NOD1: variants seen among roughly 807,000 people sequenced by gnomAD.
NOD1 encodes nucleotide binding oligomerization domain containing 1.
NOD1 carries 70 observed loss-of-function variants against 81.2 expected under a neutral mutation model. The ratio of observed to expected loss-of-function variants is 0.86; its 90% CI spans 0.71 to 1.05. The LOEUF is 1.05. Ranked by LOEUF, NOD1 falls within the 50% of genes least tolerant of loss-of-function variation. NOD1 has a pLI of 0.00. For missense variants in NOD1, 1,233 were observed against 1,228.0 expected (o/e 1.00, Z -0.06); for synonymous variants, 508 against 526.9 (o/e 0.96, Z 0.49).
chr7:30,450,109 G>A (rs569568269), intron 6 of NOD1, among the ~76,000 whole-genome samples: 2 of 152,242 alleles, frequency 1.3e-5, no homozygotes, highest in Admixed American at 6.5e-5. Flanking sequence ...CAAGAGAATC[G>A]CTTGAACCCA....
intron 2 of NOD1, among the ~76,000 whole-genome samples, chr7:30,459,667 CG>C (rs1786803713): frequency 6.6e-6 from 1 of 152,186 alleles, no homozygotes; most frequent in South Asian, 2.1e-4. Context: ...TGTTTTCTCT[CG>C]GAAGCATTTG....
At chr7:30,449,175 C>T (rs981585574) in intron 6 of NOD1, among the ~76,000 whole-genome samples, 2 of 152,178 alleles carry the variant, frequency 1.3e-5, no homozygotes, top group Non-Finnish European at 2.9e-5. Flanking sequence ...AAGTAAAAGG[C>T]TGAACAATTA....
At chr7:30,449,293 T>A (rs920062265) in intron 6 of NOD1, among the ~76,000 whole-genome samples, 9 of 152,332 alleles carry the variant, frequency 5.9e-5, no homozygotes, top group Non-Finnish European at 1.0e-4. Flanking sequence ...GTACATGGCA[T>A]GGCCAGCCCA....
chr7:30,447,406 T>C (rs1456766277), intron 7 of NOD1: 1 of 292,146 alleles, frequency 3.4e-6, no homozygotes, highest in East Asian at 8.9e-5. Flanking sequence ...GATGGGTATT[T>C]ACAACTAAGA....
chr7:30,437,549 T>C (rs557595804), intron 10 of NOD1, 24 bp downstream of exon 10: 2 of 1,470,406 alleles, frequency 1.4e-6, no homozygotes, highest in East Asian at 2.7e-5. Context: ...GGTTGGCCCC[T>C]GGAGACAGCA....
chr7:30,439,055 A>C (rs530008302), intron 9 of NOD1, among the ~76,000 whole-genome samples: 5 of 152,252 alleles, frequency 3.3e-5, no homozygotes, highest in Non-Finnish European at 7.3e-5. Context: ...CACACTCATT[A>C]GGATGGGTAC....
intron 8 of NOD1, 41 bp from the exon 9 acceptor site, chr7:30,446,265 G>A (rs1318220505): frequency 6.7e-7 from 1 of 1,494,878 alleles, no homozygotes; most frequent in African/African-American, 1.4e-5. Flanking sequence ...CAGCTATGCA[G>A]GGGCTCCAAT....
intron 1 of NOD1, among the ~76,000 whole-genome samples, chr7:30,462,113 A>G (rs1246619451): frequency 6.6e-6 from 1 of 152,240 alleles, no homozygotes; most frequent in Non-Finnish European, 1.5e-5. Context: ...ACGTGAGGTC[A>G]CTGAAAATTC....
chr7:30,474,572 C>T (rs1562724153), intron 1 of NOD1, among the ~76,000 whole-genome samples: 4 of 152,266 alleles, frequency 2.6e-5, no homozygotes, highest in South Asian at 4.1e-4. Context: ...CTAGATCCCT[C>T]GCGTGTGCGG....
chr7:30,469,560 T>C (rs1309240591), intron 1 of NOD1, among the ~76,000 whole-genome samples: 1 of 152,198 alleles, frequency 6.6e-6, no homozygotes, highest in East Asian at 1.9e-4. Flanking sequence ...GTGGAACGCA[T>C]ACATCCTTTC....
chr7:30,452,509 C>T lies in NOD1; in HGVS notation c.908G>A (p.Cys303Tyr). ...CAGGGGGTGGGCAGGCTCCCAGGGG[C>T]AGGAGCTGTCAGGCACGCGGCTCAG... Reference protein sequence around the residue: ...LDLSRVPDSSCPWEPAHPLVL... With the variant: ...LDLSRVPDSSYPWEPAHPLVL... The change falls in exon 6 of 14, where the codon TGC becomes TAC. Residue 303 changes from cysteine to tyrosine, a missense_variant. Physicochemically the swap from Cys to Tyr is radical, Grantham distance 194. Coordinates refer to ENST00000222823, the MANE Select transcript of NOD1 (RefSeq NM_006092.4). The T allele has an allele frequency of 6.2e-7, 1 of 1,613,128 alleles. No individual in the cohort carries two copies. The highest frequency in any genetic ancestry group is 8.5e-7 in the Non-Finnish European group (1 of 1,179,934).
rs1276255388 is a variant in NOD1 at position 30,440,844 on chromosome 7, G to C, written c.2454-3188C>G. ...TTGAAATGAAGGAAAAAATGTTAAG[G>C]GCAGCCAGAGAGAAAGTTCGGGTTA... On this transcript the variant is annotated intron_variant, in intron 9 of 13. Coordinates refer to ENST00000222823, the MANE Select transcript of NOD1 (RefSeq NM_006092.4). Among the ~76,000 whole-genome samples, 6 of 23,382 alleles carry C rather than the reference G, an allele frequency of 2.6e-4. No individual in the cohort carries two copies. In the East Asian group the frequency reaches 5.1e-3, roughly 20 times the overall value. The allele number at this position is 23,382 out of a possible 152,430, so 15.3% of individuals were successfully genotyped here.
intron 1 of NOD1, among the ~76,000 whole-genome samples, chr7:30,477,681 ATT>A (rs35530986): frequency 0.021 from 2,878 of 136,194 alleles, 63 homozygotes; most frequent in East Asian, 0.06. Context: ...CGCCCGGTTA[ATT>A]TTTTTTTTTT....
At chr7:30,429,910 A>G (rs555901853) in intron 12 of NOD1, among the ~76,000 whole-genome samples, 44 of 152,136 alleles carry the variant, frequency 2.9e-4, no homozygotes, top group Non-Finnish European at 1.0e-4. Context: ...ACTCCCAGCT[A>G]CTCGGGAGAC....
rs539829289 is a variant in NOD1 at position 30,463,718 on chromosome 7, AAC to A, written c.-351-3679_-351-3678del. The A allele has an allele frequency of 4.2e-3, 638 of 151,232 alleles. 6 individuals carry two copies. Among genetic ancestry groups the A allele is most frequent in the Middle Eastern group, 0.02 (6 of 294 alleles). 9.4% of individuals were successfully genotyped at this position (151,232 alleles called of 1,614,324 possible). A position where few individuals can be genotyped will look rare whatever the true frequency, so the allele number is the denominator to read the frequency against. The stretch of plus-strand genomic sequence containing the variant: ...GAGATGCTAAGATTAAAAAAAAAAA[AAC>A]ATTTTATAAAGATGTTCTCCACATG... On this transcript the variant is annotated intron_variant, in intron 1 of 13. Coordinates refer to ENST00000222823, the MANE Select transcript of NOD1 (RefSeq NM_006092.4).
chr7:30,429,432 T>C lies in NOD1; in HGVS notation c.2731A>G (p.Lys911Glu). ...GCATCTGCCAGCTGGGCAGTCCCCT[T>C]AGCTGTGATCTGATTCTGGATAAGC... ...LWLIQNQITAKGTAQLADALQ... is the reference protein window; with the variant it reads ...LWLIQNQITAEGTAQLADALQ... The change falls in exon 13 of 14, where the codon AAG becomes GAG. Residue 911 changes from lysine to glutamate, a missense_variant. Transcript: ENST00000222823. The C allele has an allele frequency of 6.2e-7, 1 of 1,614,096 alleles. No individual in the cohort carries two copies. The highest frequency in any genetic ancestry group is 8.5e-7 in the Non-Finnish European group (1 of 1,179,928).
chr7:30,454,061 G>C (rs1786083466), intron 5 of NOD1, among the ~76,000 whole-genome samples: 1 of 152,174 alleles, frequency 6.6e-6, no homozygotes, highest in African/African-American at 2.4e-5. Context: ...GAGACAGGAA[G>C]GAGCAGACAG....
Position 30,452,890 on chromosome 7 carries a change from C to A in NOD1, c.527G>T (p.Ser176Ile). 1 of 1,614,042 alleles carries A rather than the reference C, an allele frequency of 6.2e-7. No homozygotes were observed. Among genetic ancestry groups the A allele is most frequent in the Non-Finnish European group, 8.5e-7 (1 of 1,180,032 alleles). The change falls in exon 6 of 14, where the codon AGC (serine) becomes ATC (isoleucine). Residue 176 changes from serine to isoleucine, a missense_variant. By Grantham distance (142) the Ser-to-Ile change is moderately radical. Coordinates refer to ENST00000222823, the MANE Select transcript of NOD1 (RefSeq NM_006092.4). ...LVGFSNESLGSLNSLACLLDH... is the reference protein window; with the variant it reads ...LVGFSNESLGILNSLACLLDH... ...CAGGAGGCAGGCCAGGCTGTTCAGG[C>A]TGCCCAGGCTCTCATTGCTGAAGCC...
chr7:30,456,678 CG>C, intron 4 of NOD1, 42 bp downstream of exon 4: 2 of 1,558,102 alleles, frequency 1.3e-6, no homozygotes, highest in Non-Finnish European at 8.8e-7. Context: ...TTCTAGCTCC[CG>C]GGGTCCACAC....
Sources: allele counts gnomAD v4.1 joint callset (sites outside exome capture counted in the v4.1 genomes callset), GRCh38; gene constraint gnomAD v4.1.1; transcripts MANE v1.5; gene names NCBI Gene and HGNC (gene_info 2026-07-23, HGNC 2026-07-21).